Variants in TMEM52B observed in about 807,000 individuals in gnomAD.
TMEM52B encodes the protein transmembrane protein 52B.
A neutral mutation model predicts 16.1 loss-of-function variants in TMEM52B; 11 were observed. The ratio of observed to expected loss-of-function variants is 0.68; its 90% CI spans 0.43 to 1.13. TMEM52B has a LOEUF of 1.13. Among genes scored for constraint, TMEM52B ranks in the 50% most tolerant of loss-of-function variants. TMEM52B has a pLI of 0.00. For synonymous variants in TMEM52B, 101 were observed against 93.8 expected, an observed-to-expected ratio of 1.08 and a Z score of -0.45; for missense variants, 243 against 230.4, an observed-to-expected ratio of 1.05 and a Z score of -0.35.
chr12:10,190,460 C>A lies in TMEM52B; in HGVS notation c.*320C>A. 3.7e-6 allele frequency: 1 copy of A among 271,628 alleles called. No individual in the cohort carries two copies. 16.8% of individuals were successfully genotyped at this position (271,628 alleles called of 1,614,324 possible). A position where few individuals can be genotyped will look rare whatever the true frequency, so the allele number is the denominator to read the frequency against. ...AGTGCATATAGAATTCCTGTACCCA[C>A]ATGATACTGCAAGTTGTGTCTCTCT... On this transcript the variant is annotated 3_prime_UTR_variant, in exon 5 of 5. Transcript: ENST00000543484.
rs1211260286 is a variant in TMEM52B at position 10,189,903 on chromosome 12, G to A, written c.315G>A (p.Gln105=). The part of the protein sequence containing the change: ...STLQSTITSL[Q]SVFGPAARRI... The stretch of plus-strand genomic sequence containing the variant: ...TTCCTTCTTTCTTCACAGCTCTGCA[G>A]TCGGTGTTTGGCCCTGCAGCTCGGA... The change falls in exon 5 of 5, where the codon CAG becomes CAA. Residue 105 remains glutamine (Q), a synonymous_variant. Coordinates refer to ENST00000543484, the MANE Select transcript of TMEM52B (RefSeq NM_001384896.1). 6.2e-7 allele frequency: 1 copy of A among 1,613,800 alleles called. No individual in the cohort carries two copies. Among genetic ancestry groups the A allele is most frequent in the African/African-American group, 1.3e-5 (1 of 75,038 alleles).
At position 10,173,547 on chromosome 12, in the gene TMEM52B, A is replaced by AC. The variant is rs562131353; in HGVS notation, c.-95+2696_-95+2697insC. ...GTAATCTCAGCACTTTGGGAAGCTG[A>AC]GGGGGGGGGTGGATCACTGAGGTCA... On this transcript the variant is annotated intron_variant, in intron 1 of 5. Transcript: ENST00000381923. 1.9e-3 allele frequency among the ~76,000 whole-genome samples: 285 copies of AC among 149,338 alleles called. 2 individuals are homozygous for AC. Among genetic ancestry groups the AC allele is most frequent in the African/African-American group, 6.7e-3 (275 of 40,914 alleles).
Position 10,190,894 on chromosome 12 carries a change from CT to C in TMEM52B, c.*757del, listed in dbSNP as rs1302457958. ...CTAAAGGAATAGTGTTGCTTTACTT[CT>C]TTCCTGTTTTGCCTGGACCACTTAA... On this transcript the variant is annotated 3_prime_UTR_variant, in exon 5 of 5. Transcript: ENST00000543484. 6.6e-6 allele frequency: 1 copy of C among 152,344 alleles called. No homozygotes were observed. The highest frequency in any genetic ancestry group is 1.5e-5 in the Non-Finnish European group (1 of 68,150). The allele number at this position is 152,344 out of a possible 1,614,324, so 9.4% of individuals were successfully genotyped here.
At chr12:10,178,464 A>C (rs1565425441), upstream of TMEM52B, among the ~76,000 whole-genome samples, 1 of 150,048 alleles carries the variant, frequency 6.7e-6, no homozygotes, top group East Asian at 2.0e-4. Context: ...CAGAGTTTGC[A>C]GTGAGCCGAG....
intron 1 of TMEM52B, among the ~76,000 whole-genome samples, chr12:10,173,241 T>C (rs962314037): frequency 6.6e-6 from 1 of 152,178 alleles, no homozygotes; most frequent in African/African-American, 2.4e-5. Context: ...TAGAGATGTC[T>C]TCTGAAGGAA....
Position 10,179,527 on chromosome 12 carries a change from G to A in TMEM52B, c.-48G>A. ...ATATGGCACAGAGCATTGAAAGGAG[G>A]CAACGGATGCCCAGTGCAAGATTCT... On this transcript the variant is annotated 5_prime_UTR_variant, in exon 1 of 5. Coordinates refer to ENST00000543484, the MANE Select transcript of TMEM52B (RefSeq NM_001384896.1). 1 of 1,600,122 alleles carries A rather than the reference G, an allele frequency of 6.2e-7. No homozygotes were observed. The highest frequency in any genetic ancestry group is 8.6e-7 in the Non-Finnish European group (1 of 1,167,250).
intron 2 of TMEM52B, among the ~76,000 whole-genome samples, chr12:10,184,353 G>A (rs1407708801): frequency 3.9e-5 from 6 of 152,180 alleles, no homozygotes; most frequent in Non-Finnish European, 8.8e-5. Context: ...ACCTCAAGAG[G>A]GAGTCAGGGA....
At chr12:10,185,304 T>C in intron 2 of TMEM52B, 26 bp from the exon 3 acceptor site, 1 of 1,546,818 alleles carries the variant, frequency 6.5e-7, no homozygotes, top group Non-Finnish European at 8.9e-7. Flanking sequence ...ATTTTTAATG[T>C]AGAAAACTTT....
intron 2 of TMEM52B, among the ~76,000 whole-genome samples, chr12:10,184,407 A>ACTTGTG (rs1948856820): frequency 6.6e-6 from 1 of 152,200 alleles, no homozygotes; most frequent in African/African-American, 2.4e-5. Flanking sequence ...AGGCAAAACA[A>ACTTGTG]ATTGTGATTG....
In TMEM52B at chr12:10,190,200, A is replaced by T. The variant is rs937004180; in HGVS notation, c.*60A>T. On this transcript the variant is annotated 3_prime_UTR_variant, in exon 5 of 5. Coordinates refer to ENST00000543484, the MANE Select transcript of TMEM52B (RefSeq NM_001384896.1). ...ATGTCCAGAGTCTGTGGGAAAATGG[A>T]ACACATACTTTTCTAACCCTCAGAA... The T allele has an allele frequency of 2.5e-5, 40 of 1,598,480 alleles. No individual in the cohort carries two copies. The highest frequency in any genetic ancestry group is 3.1e-5 in the Non-Finnish European group (36 of 1,171,638).
chr12:10,186,911 G>A (rs556727782), intron 4 of TMEM52B, among the ~76,000 whole-genome samples: 3 of 152,166 alleles, frequency 2.0e-5, no homozygotes, highest in Middle Eastern at 3.4e-3. Context: ...TTTTCAAAAC[G>A]TCTTGGATTT....
intron 1 of TMEM52B, among the ~76,000 whole-genome samples, chr12:10,180,558 A>G (rs1423322134): frequency 6.6e-6 from 1 of 152,140 alleles, no homozygotes; most frequent in African/African-American, 2.4e-5. Flanking sequence ...TGAAAACACA[A>G]ACACGGGTTT....
Position 10,179,498 on chromosome 12 carries a change from TA to T in TMEM52B, c.-73del. On this transcript the variant is annotated 5_prime_UTR_variant, in exon 1 of 5. Transcript: ENST00000543484. ...TTCTTAAGAATTCTAGGTCAAGAAG[TA>T]AAATATGGCACAGAGCATTGAAAGG... 1 of 1,499,568 alleles carries T rather than the reference TA, an allele frequency of 6.7e-7. No homozygotes were observed. The highest frequency in any genetic ancestry group is 9.3e-7 in the Non-Finnish European group (1 of 1,076,558). 92.9% of individuals were successfully genotyped at this position (1,499,568 alleles called of 1,614,324 possible).
At chr12:10,182,414 T>C (rs1341267656) in intron 1 of TMEM52B, 136 bp from the exon 2 acceptor site, 2 of 1,359,012 alleles carry the variant, frequency 1.5e-6, no homozygotes, top group East Asian at 5.7e-5. Flanking sequence ...ATGGCAGTCC[T>C]AAATAGACTG....
chr12:10,185,188 C>G (rs971309337), intron 2 of TMEM52B, 142 bp from the exon 3 acceptor site: 27 of 653,958 alleles, frequency 4.1e-5, no homozygotes, highest in South Asian at 1.8e-5. Context: ...CAACTAGCTA[C>G]AGTGAATTTT....
chr12:10,189,796 G>GA (rs1463905550), intron 4 of TMEM52B, 100 bp from the exon 5 acceptor site: 7 of 1,502,104 alleles, frequency 4.7e-6, no homozygotes, highest in African/African-American at 1.4e-5. Flanking sequence ...TTGGATACTT[G>GA]TAAAAAATGA....
At position 10,182,589 on chromosome 12, in the gene TMEM52B, G is replaced by T; in HGVS notation, c.94G>T (p.Glu32Ter). 6.5e-7 allele frequency: 1 copy of T among 1,535,288 alleles called. No individual in the cohort carries two copies. The highest frequency in any genetic ancestry group is 1.2e-5 in the South Asian group (1 of 83,932). Residue 32 changes from glutamate (E) to a stop codon, truncating the protein, a stop_gained, in exon 2 of 5, where the codon GAA becomes TAA. Coordinates refer to ENST00000543484, the MANE Select transcript of TMEM52B (RefSeq NM_001384896.1). LOFTEE classifies it high-confidence loss of function. ...TRCEENCGNP[E>*]HCLTTDWVHL... The stretch of plus-strand genomic sequence containing the variant: ...ATGTGAGGAAAACTGTGGTAATCCT[G>T]AACAGTAAGTATAGAGTTCAAGCTG...
intron 1 of TMEM52B, among the ~76,000 whole-genome samples, chr12:10,171,628 T>C (rs1174858666): frequency 6.6e-6 from 1 of 152,212 alleles, no homozygotes; most frequent in Non-Finnish European, 1.5e-5. Flanking sequence ...GGTACAGTCC[T>C]AGCTCTACCA....
At chr12:10,177,934 C>G (rs1380628044), upstream of TMEM52B, among the ~76,000 whole-genome samples, 1 of 151,428 alleles carries the variant, frequency 6.6e-6, no homozygotes, top group African/African-American at 2.4e-5. Context: ...CTCGCTCTAT[C>G]ACCCAGGCTG....
Sources: gnomAD v4.1 joint callset for allele counts (sites outside exome capture counted in the v4.1 genomes callset) on GRCh38, gnomAD v4.1.1 for gene constraint, MANE v1.5 for transcripts, NCBI Gene and HGNC (gene_info 2026-07-23, HGNC 2026-07-21) for gene names.